The following CAST variants were observed in gnomAD, a reference collection of about 807,000 sequenced individuals.
CAST encodes the protein calpastatin.
CAST carries 76 observed loss-of-function variants against 119.6 expected under a neutral mutation model. The ratio of observed to expected loss-of-function variants is 0.64; its 90% CI spans 0.53 to 0.77. CAST has a LOEUF of 0.77. CAST is among the 30% of genes least tolerant of loss of function. The pLI is 0.00. For missense variants in CAST, 953 were observed against 946.5 expected (o/e 1.01, Z -0.09); for synonymous variants, 319 against 331.6 (o/e 0.96, Z 0.41).
chr5:96,204,024 C>A, the CAST span, among the ~76,000 whole-genome samples: 2 of 151,996 alleles, frequency 1.3e-5, no homozygotes, highest in South Asian at 4.1e-4. Context: ...CAGAGAAAAA[C>A]CCTGCTATTT....
At chr5:96,694,721 A>T (rs916607471) in intron 2 of CAST, among the ~76,000 whole-genome samples, 2 of 152,218 alleles carry the variant, frequency 1.3e-5, no homozygotes, top group Non-Finnish European at 2.9e-5. Flanking sequence ...GAGATACAGG[A>T]TATGAAGGTC....
chr5:96,041,640 G>A, the CAST span, among the ~76,000 whole-genome samples: 1 of 152,124 alleles, frequency 6.6e-6, no homozygotes, highest in South Asian at 2.1e-4. Flanking sequence ...AATTATAGGA[G>A]AAATTGAGTG....
the CAST span, among the ~76,000 whole-genome samples, chr5:96,502,970 A>C: frequency 1.1e-4 from 17 of 152,072 alleles, no homozygotes; most frequent in African/African-American, 3.9e-4. Flanking sequence ...CTGTGAGTTT[A>C]ATTGCAAAGA....
chr5:96,276,281 T>C, the CAST span, among the ~76,000 whole-genome samples: 1 of 152,208 alleles, frequency 6.6e-6, no homozygotes. Flanking sequence ...AGTAAAAATG[T>C]ACAATATGTT....
the CAST span, among the ~76,000 whole-genome samples, chr5:95,965,606 C>A: frequency 1.3e-5 from 2 of 152,122 alleles, no homozygotes; most frequent in African/African-American, 4.8e-5. Flanking sequence ...AAAATCTTTC[C>A]CTTTTAAATT....
rs984476215 is a variant in CAST, at chr5:96,774,512, C to T, written c.*1896C>T. 1.0e-6 allele frequency: 1 copy of T among 986,200 alleles called. No individual in the cohort carries two copies. The highest frequency in any genetic ancestry group is 1.2e-6 in the Non-Finnish European group (1 of 829,704). The allele number at this position is 986,200 out of a possible 1,614,324, so 61.1% of individuals were successfully genotyped here. On this transcript the variant is annotated 3_prime_UTR_variant, in exon 32 of 32. Transcript: ENST00000675179. ...GAGGCAAAGAACAATTTTTTATTAT[C>T]AAAAAGGTTTCTGCACATTGTTGTG...
chr5:96,744,749 C>T (rs1763398839), intron 16 of CAST, among the ~76,000 whole-genome samples: 1 of 152,132 alleles, frequency 6.6e-6, no homozygotes, highest in South Asian at 2.1e-4. Context: ...CACTGTCAGC[C>T]TGTAGGAGTG....
the CAST span, among the ~76,000 whole-genome samples, chr5:96,325,456 T>A: frequency 6.6e-6 from 1 of 151,022 alleles, no homozygotes; most frequent in African/African-American, 2.4e-5. Flanking sequence ...TTTCTTTCTT[T>A]TATTTTTTTA....
upstream of CAST, among the ~76,000 whole-genome samples, chr5:96,522,404 T>C (rs1745532950): frequency 2.0e-5 from 3 of 152,218 alleles, no homozygotes; most frequent in Non-Finnish European, 4.4e-5. Flanking sequence ...ACACAGTCTA[T>C]ACATAAGACA....
chr5:96,750,346 A>G lies in CAST; in HGVS notation c.1429-241A>G, dbSNP rs111533248. On this transcript the variant is annotated intron_variant, in intron 19 of 31. Transcript: ENST00000675179. ...ATTGTTCTCATTTTACACATGTGGAAACTCAGTTTCACGAGTTTCAGTAAC... is the reference window on the plus strand; with the variant it reads ...ATTGTTCTCATTTTACACATGTGGAGACTCAGTTTCACGAGTTTCAGTAAC... 3.4e-3 allele frequency among the ~76,000 whole-genome samples: 521 copies of G among 152,266 alleles called. 3 individuals are homozygous for G. Among genetic ancestry groups the G allele is most frequent in the African/African-American group, 0.012 (501 of 41,544 alleles).
At chr5:96,400,569 C>A in the CAST span, among the ~76,000 whole-genome samples, 3 of 152,180 alleles carry the variant, frequency 2.0e-5, no homozygotes, top group African/African-American at 7.2e-5. Context: ...CCATTAAAAG[C>A]CTTAGCACTT....
At chr5:96,020,688 C>T in the CAST span, among the ~76,000 whole-genome samples, 7 of 152,166 alleles carry the variant, frequency 4.6e-5, no homozygotes, top group Admixed American at 1.3e-4. Context: ...TGCAGGAAAA[C>T]AAGCTTAGGG....
chr5:96,016,314 A>G, the CAST span, among the ~76,000 whole-genome samples: 1 of 152,236 alleles, frequency 6.6e-6, no homozygotes, highest in Non-Finnish European at 1.5e-5. Flanking sequence ...AGTACTAACC[A>G]GAATGCTATA....
the CAST span, among the ~76,000 whole-genome samples, chr5:95,962,499 T>TATAAAA: frequency 6.6e-6 from 1 of 150,860 alleles, no homozygotes; most frequent in African/African-American, 2.5e-5. Context: ...ACGCAGAGCT[T>TATAAAA]ATAAAAACAA....
the CAST span, among the ~76,000 whole-genome samples, chr5:96,350,549 G>C: frequency 1.3e-5 from 2 of 152,048 alleles, no homozygotes; most frequent in African/African-American, 2.4e-5. Context: ...TTCCTAGTGG[G>C]CAAATTGTAA....
chr5:96,257,831 C>G, the CAST span, among the ~76,000 whole-genome samples: 3 of 152,222 alleles, frequency 2.0e-5, no homozygotes, highest in African/African-American at 7.2e-5. Flanking sequence ...TGCATGGCAT[C>G]CAGGAAAACA....
At chr5:96,592,865 T>G (rs1187800950) in intron 1 of CAST, among the ~76,000 whole-genome samples, 1 of 151,872 alleles carries the variant, frequency 6.6e-6, no homozygotes, top group Non-Finnish European at 1.5e-5. Context: ...CCTGGGTTCA[T>G]GCCATTCTCC....
At chr5:96,432,666 C>A in the CAST span, among the ~76,000 whole-genome samples, 1 of 152,166 alleles carries the variant, frequency 6.6e-6, no homozygotes, top group Non-Finnish European at 1.5e-5. Flanking sequence ...TGCTTGGCTG[C>A]GCCCAGCCTA....
chr5:96,313,765 C>T, the CAST span, among the ~76,000 whole-genome samples: 1 of 152,160 alleles, frequency 6.6e-6, no homozygotes, highest in Non-Finnish European at 1.5e-5. Context: ...GCATTCTCTT[C>T]AGCATTTGGC....
Sources: gnomAD v4.1 joint callset for allele counts (sites outside exome capture counted in the v4.1 genomes callset) on GRCh38, gnomAD v4.1.1 for gene constraint, MANE v1.5 for transcripts, NCBI Gene and HGNC (gene_info 2026-07-23, HGNC 2026-07-21) for gene names.